METTL15: variants seen among roughly 807,000 people sequenced by gnomAD.
The protein encoded by METTL15 is 12S rRNA N(4)-cytidine methyltransferase METTL15.
A neutral mutation model predicts 38.3 loss-of-function variants in METTL15; 34 were observed. The ratio of observed to expected loss-of-function variants is 0.89; its 90% CI spans 0.68 to 1.18. METTL15 has a LOEUF of 1.18. METTL15 is among the 50% of genes most tolerant of loss of function. The pLI is 0.00. For missense variants in METTL15, 438 were observed against 498.4 expected (o/e 0.88, Z 1.15); for synonymous variants, 162 against 170.9 (o/e 0.95, Z 0.41).
At chr11:28,487,611 T>TA (rs1021524926) in intron 6 of METTL15, among the ~76,000 whole-genome samples, 1 of 152,202 alleles carries the variant, frequency 6.6e-6, no homozygotes, top group Non-Finnish European at 1.5e-5. Flanking sequence ...ATTTTTCTAA[T>TA]AAAAAAGCTT....
the METTL15 span, among the ~76,000 whole-genome samples, chr11:28,532,255 G>T: frequency 6.6e-6 from 1 of 152,020 alleles, no homozygotes; most frequent in Non-Finnish European, 1.5e-5. Flanking sequence ...GTGTTGGTGA[G>T]ATCAGCAACC....
At chr11:28,287,831 C>G (rs1856344566) in intron 4 of METTL15, among the ~76,000 whole-genome samples, 1 of 152,042 alleles carries the variant, frequency 6.6e-6, no homozygotes, top group African/African-American at 2.4e-5. Flanking sequence ...CCTGCCAGCT[C>G]AAGGGATTAT....
At chr11:28,502,317 G>A (rs1350497820) in intron 6 of METTL15, among the ~76,000 whole-genome samples, 1 of 152,298 alleles carries the variant, frequency 6.6e-6, no homozygotes, top group South Asian at 2.1e-4. Flanking sequence ...AGCAAATATT[G>A]TAGGCTTTAT....
At chr11:28,179,978 T>TTAA (rs1851224444) in intron 3 of METTL15, among the ~76,000 whole-genome samples, 1 of 151,806 alleles carries the variant, frequency 6.6e-6, no homozygotes, top group African/African-American at 2.4e-5. Flanking sequence ...TTAATTTGTA[T>TTAA]TTACTTGATG....
chr11:28,273,548 T>C (rs1009156740), intron 4 of METTL15, among the ~76,000 whole-genome samples: 1 of 152,070 alleles, frequency 6.6e-6, no homozygotes, highest in Non-Finnish European at 1.5e-5. Context: ...GTAGTTAATC[T>C]TCAGATTTTT....
At chr11:28,319,010 A>G (rs1307226042) in intron 6 of METTL15, among the ~76,000 whole-genome samples, 3 of 152,214 alleles carry the variant, frequency 2.0e-5, no homozygotes, top group Non-Finnish European at 4.4e-5. Flanking sequence ...AAAGGTATTC[A>G]TTATCATTCC....
At chr11:28,392,764 G>A (rs1850524858) in intron 5 of METTL15, among the ~76,000 whole-genome samples, 1 of 151,502 alleles carries the variant, frequency 6.6e-6, no homozygotes, top group African/African-American at 2.4e-5. Flanking sequence ...TTTGAAAAGG[G>A]GTCAATATCC....
intron 3 of METTL15, among the ~76,000 whole-genome samples, chr11:28,120,962 T>A (rs2133606335): frequency 6.6e-6 from 1 of 152,298 alleles, no homozygotes; most frequent in South Asian, 2.1e-4. Context: ...ATTCAATGTG[T>A]GACAGTCACG....
intron 3 of METTL15, among the ~76,000 whole-genome samples, chr11:28,198,542 G>A (rs916831591): frequency 4.6e-5 from 7 of 152,112 alleles, no homozygotes; most frequent in African/African-American, 1.7e-4. Context: ...AATGGGAAGA[G>A]ATATAAATTT....
At chr11:28,523,628 C>A (rs1851785635) in intron 6 of METTL15, among the ~76,000 whole-genome samples, 1 of 152,090 alleles carries the variant, frequency 6.6e-6, no homozygotes, top group Non-Finnish European at 1.5e-5. Flanking sequence ...AGTTATGATT[C>A]AACATAAACT....
At chr11:28,367,075 G>A (rs1850192949) in intron 5 of METTL15, among the ~76,000 whole-genome samples, 1 of 152,102 alleles carries the variant, frequency 6.6e-6, no homozygotes, top group African/African-American at 2.4e-5. Flanking sequence ...TCTCAGGAAA[G>A]AGAAGACTGA....
intron 5 of METTL15, among the ~76,000 whole-genome samples, chr11:28,419,867 A>G (rs971184044): frequency 6.6e-6 from 1 of 152,218 alleles, no homozygotes; most frequent in Non-Finnish European, 1.5e-5. Context: ...TTAAAATGCA[A>G]TTGACATATT....
At chr11:28,125,586 T>C (rs191582163) in intron 3 of METTL15, 38 of 152,098 alleles carry the variant, frequency 2.5e-4, no homozygotes, top group Middle Eastern at 3.4e-3. Context: ...TGGAAAAAAA[T>C]CAAAACCGCA....
At chr11:28,434,362 C>A (rs1249795395) in intron 6 of METTL15, among the ~76,000 whole-genome samples, 1 of 152,182 alleles carries the variant, frequency 6.6e-6, no homozygotes, top group Non-Finnish European at 1.5e-5. Context: ...TCAGTTATGT[C>A]TTTATTAGCA....
intron 4 of METTL15, among the ~76,000 whole-genome samples, chr11:28,272,667 T>C (rs1172372307): frequency 6.6e-6 from 1 of 152,150 alleles, no homozygotes; most frequent in African/African-American, 2.4e-5. Context: ...TGTATACCTA[T>C]GTAACAAACC....
intron 3 of METTL15, among the ~76,000 whole-genome samples, chr11:28,136,110 G>T (rs1013576116): frequency 5.3e-5 from 8 of 152,192 alleles, no homozygotes; most frequent in Non-Finnish European, 1.2e-4. Context: ...ACAATTGTCT[G>T]TGAATAGCAA....
At chr11:28,372,530 C>A (rs1850255974) in intron 5 of METTL15, among the ~76,000 whole-genome samples, 1 of 146,370 alleles carries the variant, frequency 6.8e-6, no homozygotes. Context: ...AAAAACCCTA[C>A]ACAAAGTTCT....
At chr11:28,321,601 C>G (rs1590321239) in intron 6 of METTL15, among the ~76,000 whole-genome samples, 1 of 152,160 alleles carries the variant, frequency 6.6e-6, no homozygotes, top group East Asian at 1.9e-4. Flanking sequence ...AAATTTTACA[C>G]AAATAAATTT....
At chr11:28,407,670 G>T (rs1034009391) in intron 5 of METTL15, among the ~76,000 whole-genome samples, 6 of 152,240 alleles carry the variant, frequency 3.9e-5, no homozygotes, top group African/African-American at 1.4e-4. Flanking sequence ...ATGTTGGTGA[G>T]GCTGTGCAGA....
Sources: allele counts gnomAD v4.1 joint callset (sites outside exome capture counted in the v4.1 genomes callset), GRCh38; gene constraint gnomAD v4.1.1; transcripts MANE v1.5; gene names NCBI Gene and HGNC (gene_info 2026-07-23, HGNC 2026-07-21).